TRAPPC9: variants seen among roughly 807,000 people sequenced by gnomAD.
The protein encoded by TRAPPC9 is trafficking protein particle complex subunit 9, also known as IKK2 binding protein.
TRAPPC9 carries 83 observed loss-of-function variants against 124.0 expected under a neutral mutation model. The observed-to-expected ratio is 0.67, with a 90% CI of 0.56 to 0.80. The LOEUF is 0.80. Among genes scored for constraint, TRAPPC9 ranks in the 30% least tolerant of loss-of-function variants. TRAPPC9 has a pLI of 0.00. For missense variants in TRAPPC9, 1,302 were observed against 1,508.3 expected (o/e 0.86, Z 2.27); for synonymous variants, 638 against 617.5 (o/e 1.03, Z -0.49).
At chr8:140,225,415 A>C (rs2063425897) in intron 16 of TRAPPC9, among the ~76,000 whole-genome samples, 1 of 152,236 alleles carries the variant, frequency 6.6e-6, no homozygotes, top group Non-Finnish European at 1.5e-5. Context: ...GTTAACTGAA[A>C]TTTCATCAGG....
chr8:140,121,465 G>A (rs901699539), intron 17 of TRAPPC9, among the ~76,000 whole-genome samples: 1 of 152,220 alleles, frequency 6.6e-6, no homozygotes, highest in Admixed American at 6.5e-5. Context: ...TACTCTGGCA[G>A]TAAGGAAGAG....
intron 17 of TRAPPC9, among the ~76,000 whole-genome samples, chr8:140,219,128 G>A (rs76310562): frequency 0.021 from 3,227 of 152,284 alleles, 137 homozygotes; most frequent in African/African-American, 0.074. Context: ...AGGCCTTGGT[G>A]AGACCCCAGT....
chr8:140,274,045 G>A (rs904470110), intron 15 of TRAPPC9, among the ~76,000 whole-genome samples: 6 of 152,300 alleles, frequency 3.9e-5, no homozygotes, highest in African/African-American at 9.6e-5. Context: ...GGGCTGAAGC[G>A]AAGCCTAAGA....
chr8:139,833,090 G>T (rs868508071), intron 21 of TRAPPC9, among the ~76,000 whole-genome samples: 1 of 152,136 alleles, frequency 6.6e-6, no homozygotes, highest in Admixed American at 6.5e-5. Flanking sequence ...AGTCTCCAGC[G>T]GACATCAGCA....
intron 2 of TRAPPC9, among the ~76,000 whole-genome samples, chr8:140,442,716 A>C (rs2071066256): frequency 6.6e-6 from 1 of 152,130 alleles, no homozygotes; most frequent in African/African-American, 2.4e-5. Context: ...TGGCAAATAA[A>C]TTTCTACATT....
chr8:140,014,231 T>A (rs1042134334), intron 18 of TRAPPC9, among the ~76,000 whole-genome samples: 2 of 152,120 alleles, frequency 1.3e-5, no homozygotes, highest in Non-Finnish European at 2.9e-5. Context: ...GTGGATCGTT[T>A]ATTGTAACAG....
intron 17 of TRAPPC9, among the ~76,000 whole-genome samples, chr8:140,149,339 G>T (rs1364778180): frequency 1.3e-5 from 2 of 152,180 alleles, no homozygotes; most frequent in African/African-American, 4.8e-5. Context: ...ATTCCCCGGG[G>T]CCAGGTGTGG....
chr8:140,307,746 A>G (rs1338397284), intron 10 of TRAPPC9, among the ~76,000 whole-genome samples: 1 of 152,212 alleles, frequency 6.6e-6, no homozygotes, highest in African/African-American at 2.4e-5. Context: ...CGAATCTGTC[A>G]AGAACATTTT....
chr8:140,070,672 C>A (rs538000795), intron 17 of TRAPPC9, among the ~76,000 whole-genome samples: 1 of 152,136 alleles, frequency 6.6e-6, no homozygotes, highest in African/African-American at 2.4e-5. Context: ...TCTCAAAACA[C>A]GCCAAAAACT....
At chr8:139,820,499 C>G (rs1401269011) in intron 21 of TRAPPC9, among the ~76,000 whole-genome samples, 1 of 152,158 alleles carries the variant, frequency 6.6e-6, no homozygotes, top group Non-Finnish European at 1.5e-5. Flanking sequence ...AGAACTATTT[C>G]ATTAAAAAAC....
intron 1 of TRAPPC9, among the ~76,000 whole-genome samples, chr8:140,455,510 A>G (rs528165783): frequency 6.6e-6 from 1 of 151,666 alleles, no homozygotes; most frequent in Non-Finnish European, 1.5e-5. Context: ...GGCTCACTGC[A>G]AACTCCGCCT....
At chr8:140,142,875 TA>T (rs1400410513) in intron 17 of TRAPPC9, among the ~76,000 whole-genome samples, 3 of 121,596 alleles carry the variant, frequency 2.5e-5, no homozygotes, top group Non-Finnish European at 5.3e-5. Flanking sequence ...AATCACAGAG[TA>T]AAAGAAAAAT....
At chr8:140,139,631 A>G (rs566714495) in intron 17 of TRAPPC9, among the ~76,000 whole-genome samples, 4 of 152,336 alleles carry the variant, frequency 2.6e-5, no homozygotes, top group African/African-American at 9.6e-5. Context: ...ATACAAAAAC[A>G]TAACATTGAG....
At chr8:140,290,302 G>A (rs983144452) in intron 12 of TRAPPC9, among the ~76,000 whole-genome samples, 1 of 152,134 alleles carries the variant, frequency 6.6e-6, no homozygotes, top group Non-Finnish European at 1.5e-5. Flanking sequence ...CCTCCTTTGC[G>A]TGCTGCTGAA....
intron 18 of TRAPPC9, among the ~76,000 whole-genome samples, chr8:139,993,611 G>A (rs1337324544): frequency 6.6e-6 from 1 of 152,146 alleles, no homozygotes; most frequent in Admixed American, 6.6e-5. Context: ...ATTTATAAAA[G>A]TAAAGAACTG....
At chr8:140,266,837 G>A (rs1563897360) in intron 15 of TRAPPC9, among the ~76,000 whole-genome samples, 2 of 152,028 alleles carry the variant, frequency 1.3e-5, no homozygotes, top group South Asian at 2.1e-4. Flanking sequence ...TCCAGCCTGG[G>A]CGACAGAGCG....
chr8:140,265,307 G>A (rs900154904), intron 15 of TRAPPC9, among the ~76,000 whole-genome samples: 2 of 152,182 alleles, frequency 1.3e-5, no homozygotes, highest in Admixed American at 1.3e-4. Flanking sequence ...GCTTATTTGT[G>A]TATTAAGTTC....
chr8:140,228,335 CA>C (rs1167072969), intron 16 of TRAPPC9, among the ~76,000 whole-genome samples: 22 of 151,956 alleles, frequency 1.4e-4, no homozygotes, highest in Admixed American at 1.2e-3. Flanking sequence ...CTACAGGTGC[CA>C]AAAAAGCCCA....
At chr8:140,369,801 A>T (rs909959262) in intron 8 of TRAPPC9, among the ~76,000 whole-genome samples, 2 of 151,958 alleles carry the variant, frequency 1.3e-5, no homozygotes, top group Non-Finnish European at 2.9e-5. Flanking sequence ...AAAATACAAA[A>T]ATTAGCTGGG....
Sources: allele counts gnomAD v4.1 joint callset (sites outside exome capture counted in the v4.1 genomes callset), GRCh38; gene constraint gnomAD v4.1.1; transcripts MANE v1.5; gene names NCBI Gene and HGNC (gene_info 2026-07-23, HGNC 2026-07-21).